The following PCDH15 variants were observed in gnomAD, a reference collection of about 807,000 sequenced individuals.
The protein encoded by PCDH15 is protocadherin related 15.
Under a neutral mutation model 178.5 loss-of-function variants are expected in PCDH15, and 129 were observed. The ratio of observed to expected loss-of-function variants is 0.72; its 90% CI spans 0.63 to 0.84. The LOEUF is 0.84. Among genes scored for constraint, PCDH15 ranks in the 40% least tolerant of loss-of-function variants. The pLI is 0.00. For missense variants in PCDH15, 2,230 were observed against 2,099.9 expected, an observed-to-expected ratio of 1.06 and a Z score of -1.21; for synonymous variants, 800 against 732.0, an observed-to-expected ratio of 1.09 and a Z score of -1.50.
chr10:55,004,236 A>G (rs1839869164), intron 2 of PCDH15, among the ~76,000 whole-genome samples: 1 of 152,124 alleles, frequency 6.6e-6, no homozygotes. Context: ...GGCCACCCCT[A>G]GTATGAAGTT....
intron 2 of PCDH15, among the ~76,000 whole-genome samples, chr10:55,597,850 C>A (rs184560146): frequency 6.6e-6 from 1 of 152,176 alleles, no homozygotes; most frequent in Admixed American, 6.5e-5. Context: ...AAGCAAGGCA[C>A]TGAAAATGCC....
intron 3 of PCDH15, among the ~76,000 whole-genome samples, chr10:54,422,431 T>C (rs1039319989): frequency 6.6e-6 from 1 of 152,136 alleles, no homozygotes. Context: ...TAAAATATTG[T>C]TTACTACTAG....
chr10:55,502,460 T>A lies in PCDH15; in HGVS notation c.-156+125165A>T, dbSNP rs538993142. Among the ~76,000 whole-genome samples, 8 of 151,840 alleles carry A rather than the reference T, an allele frequency of 5.3e-5. No homozygotes were observed. In the South Asian group the frequency reaches 1.7e-3, roughly 31 times the overall value. Reference sequence around the variant, plus strand: ...ATACACTATCATGATCACACGCATATCTCCATCATAACCTGGATGTCACGT... The same window carrying A: ...ATACACTATCATGATCACACGCATAACTCCATCATAACCTGGATGTCACGT... On this transcript the variant is annotated intron_variant, in intron 2 of 5. Transcript: ENST00000613346.
intron 15 of PCDH15, among the ~76,000 whole-genome samples, chr10:54,100,749 T>C (rs901596598): frequency 6.6e-6 from 1 of 152,170 alleles, no homozygotes; most frequent in African/African-American, 2.4e-5. Flanking sequence ...ACTTCTGGAA[T>C]ACTCAGCAAC....
At chr10:55,382,510 G>C (rs1837560240) in intron 2 of PCDH15, among the ~76,000 whole-genome samples, 1 of 152,104 alleles carries the variant, frequency 6.6e-6, no homozygotes, top group Non-Finnish European at 1.5e-5. Flanking sequence ...GCCTCTATGA[G>C]CTGGAAAAAG....
intron 2 of PCDH15, among the ~76,000 whole-genome samples, chr10:55,516,861 G>A (rs1304973058): frequency 6.6e-6 from 1 of 152,036 alleles, no homozygotes; most frequent in Non-Finnish European, 1.5e-5. Context: ...CACATGGGCT[G>A]TGTATTTCAA....
At chr10:54,301,994 T>C (rs1267334584) in intron 8 of PCDH15, among the ~76,000 whole-genome samples, 2 of 152,212 alleles carry the variant, frequency 1.3e-5, no homozygotes, top group Admixed American at 1.3e-4. Flanking sequence ...GTTTTTTTAG[T>C]GTTTAAATTA....
intron 29 of PCDH15, among the ~76,000 whole-genome samples, chr10:53,832,059 C>T (rs2077047040): frequency 6.6e-6 from 1 of 151,106 alleles, no homozygotes; most frequent in Non-Finnish European, 1.5e-5. Context: ...TTTGCCATAA[C>T]ACCATCTTAA....
intron 2 of PCDH15, among the ~76,000 whole-genome samples, chr10:55,544,139 C>CATACATAT (rs1200067998): frequency 5.5e-5 from 3 of 54,346 alleles, no homozygotes; most frequent in Admixed American, 2.3e-4. Context: ...CTTATACATA[C>CATACATAT]ATATATATAT....
intron 1 of PCDH15, among the ~76,000 whole-genome samples, chr10:54,742,149 G>A (rs564496072): frequency 6.6e-6 from 1 of 152,058 alleles, no homozygotes; most frequent in East Asian, 1.9e-4. Context: ...TTTGTTATGA[G>A]GTCATTGACT....
chr10:54,497,261 C>G lies in PCDH15; in HGVS notation c.157+30551G>C, dbSNP rs566962767. ...ACCACAGGAAAAAAAAAAAAACCCT[C>G]AAGGGCACCAAACAATATAAAAGCA... On this transcript the variant is annotated intron_variant, in intron 3 of 37. Transcript: ENST00000644397. Among the ~76,000 whole-genome samples, 9 of 150,556 alleles carry G rather than the reference C, an allele frequency of 6.0e-5. No individual in the cohort carries two copies. The South Asian group carries it at 1.7e-3, about 28-fold the overall frequency.
chr10:55,295,607 C>T (rs1318547842), intron 1 of PCDH15, among the ~76,000 whole-genome samples: 3 of 152,194 alleles, frequency 2.0e-5, no homozygotes, highest in Non-Finnish European at 4.4e-5. Context: ...TCCAATTTCT[C>T]TCTCACTTTG....
chr10:54,286,875 A>G (rs1467147437), intron 8 of PCDH15, among the ~76,000 whole-genome samples: 1 of 151,866 alleles, frequency 6.6e-6, no homozygotes, highest in Non-Finnish European at 1.5e-5. Flanking sequence ...TGATCCACCC[A>G]CCTCCCAAAG....
intron 1 of PCDH15, among the ~76,000 whole-genome samples, chr10:55,293,343 G>A (rs1490597253): frequency 6.6e-6 from 1 of 152,180 alleles, no homozygotes; most frequent in Non-Finnish European, 1.5e-5. Context: ...GTGATGGATG[G>A]GGCTGCCATG....
chr10:55,192,733 C>A (rs544593217), intron 1 of PCDH15, among the ~76,000 whole-genome samples: 4,858 of 150,696 alleles, frequency 0.032, 97 homozygotes, highest in Non-Finnish European at 0.047. Context: ...CTCTCTCTCT[C>A]TCTCTCTCTA....
intron 2 of PCDH15, among the ~76,000 whole-genome samples, chr10:54,582,280 G>A (rs1244981601): frequency 6.6e-6 from 1 of 151,866 alleles, no homozygotes; most frequent in Non-Finnish European, 1.5e-5. Flanking sequence ...ACATGAAGAG[G>A]TACTTCTCAA....
At chr10:53,946,326 G>A (rs973605781) in intron 23 of PCDH15, among the ~76,000 whole-genome samples, 2 of 152,064 alleles carry the variant, frequency 1.3e-5, no homozygotes, top group Non-Finnish European at 2.9e-5. Flanking sequence ...TTTTCCCTTA[G>A]GATCAGTTAT....
chr10:54,659,028 A>T (rs1228345029), intron 2 of PCDH15, among the ~76,000 whole-genome samples: 1 of 151,166 alleles, frequency 6.6e-6, no homozygotes, highest in East Asian at 2.0e-4. Context: ...CAAGAAAGGT[A>T]AAAAAAAAGA....
At chr10:54,896,534 C>T (rs1030514494) in intron 3 of PCDH15, among the ~76,000 whole-genome samples, 1 of 151,698 alleles carries the variant, frequency 6.6e-6, no homozygotes, top group African/African-American at 2.4e-5. Flanking sequence ...AATAGCTTAG[C>T]TCCATGAACT....
Sources: gnomAD v4.1 joint callset for allele counts (sites outside exome capture counted in the v4.1 genomes callset) on GRCh38, gnomAD v4.1.1 for gene constraint, MANE v1.5 for transcripts, NCBI Gene and HGNC (gene_info 2026-07-23, HGNC 2026-07-21) for gene names.